The following SNAPC1 variants were observed in gnomAD, a reference collection of about 807,000 sequenced individuals.
The protein encoded by SNAPC1 is snRNA-activating protein complex subunit 1.
SNAPC1 carries 42 observed loss-of-function variants against 50.1 expected under a neutral mutation model. The observed-to-expected ratio is 0.84, with a 90% CI of 0.65 to 1.08. SNAPC1 has a LOEUF of 1.08. SNAPC1 is among the 50% of genes least tolerant of loss of function. The pLI is 0.00. For missense variants in SNAPC1, 477 were observed against 427.3 expected (o/e 1.12, Z -1.02); for synonymous variants, 164 against 144.2 (o/e 1.14, Z -0.98).
chr14:61,787,981 C>G (rs750197399), intron 8 of SNAPC1, among the ~76,000 whole-genome samples: 1 of 152,132 alleles, frequency 6.6e-6, no homozygotes, highest in Non-Finnish European at 1.5e-5. Context: ...AAAGGAGGAA[C>G]AAGAACAAAA....
At chr14:61,766,245 T>C (rs2044947940) in intron 1 of SNAPC1, among the ~76,000 whole-genome samples, 1 of 152,244 alleles carries the variant, frequency 6.6e-6, no homozygotes, top group African/African-American at 2.4e-5. Flanking sequence ...TCTTCTTCCT[T>C]ATTTAAAAGT....
At chr14:61,765,899 T>A (rs1434281305) in intron 1 of SNAPC1, among the ~76,000 whole-genome samples, 2 of 152,176 alleles carry the variant, frequency 1.3e-5, no homozygotes, top group African/African-American at 4.8e-5. Flanking sequence ...GGAGTGCGGG[T>A]TACTTTGTGC....
intron 8 of SNAPC1, among the ~76,000 whole-genome samples, chr14:61,789,120 A>G (rs2045134725): frequency 6.6e-6 from 1 of 151,948 alleles, no homozygotes. Context: ...AGTCCCAGCT[A>G]CTTGGGAGTC....
intron 9 of SNAPC1, 64 bp from the exon 10 acceptor site, chr14:61,794,885 G>GT (rs910465455): frequency 1.4e-4 from 162 of 1,131,796 alleles, no homozygotes; most frequent in South Asian, 3.5e-4. Context: ...AGTGTCAGTT[G>GT]TTTTTTTTGT....
intron 8 of SNAPC1, among the ~76,000 whole-genome samples, chr14:61,785,501 A>G (rs1019569324): frequency 6.6e-6 from 1 of 152,232 alleles, no homozygotes; most frequent in African/African-American, 2.4e-5. Flanking sequence ...TATCTGAGAC[A>G]GGTCTCAGTT....
chr14:61,776,533 T>C (rs1381760516), intron 5 of SNAPC1, among the ~76,000 whole-genome samples: 1 of 152,216 alleles, frequency 6.6e-6, no homozygotes, highest in African/African-American at 2.4e-5. Flanking sequence ...ATTTGGCATT[T>C]TTTAGGGGTT....
Position 61,793,999 on chromosome 14 carries a change from T to C in SNAPC1, c.1073-950T>C, listed in dbSNP as rs534884185. Among the ~76,000 whole-genome samples the C allele has an allele frequency of 3.3e-5, 5 of 152,284 alleles. No homozygotes were observed. In the East Asian group the frequency reaches 7.7e-4, roughly 23 times the overall value. The stretch of plus-strand genomic sequence containing the variant: ...ACATCTTTTGTAATTTTCATGTTTT[T>C]GTGTTTTCTATTACTTTCTTTGCTT... On this transcript the variant is annotated intron_variant, in intron 9 of 9. Coordinates refer to ENST00000216294, the MANE Select transcript of SNAPC1 (RefSeq NM_003082.4).
At chr14:61,785,362 A>G (rs966334346) in intron 8 of SNAPC1, among the ~76,000 whole-genome samples, 2 of 152,152 alleles carry the variant, frequency 1.3e-5, no homozygotes, top group African/African-American at 4.8e-5. Context: ...TCGCGCCAAG[A>G]TGGAGCCTTT....
chr14:61,781,281 C>G (rs1208708896), intron 7 of SNAPC1, among the ~76,000 whole-genome samples: 1 of 151,780 alleles, frequency 6.6e-6, no homozygotes, highest in East Asian at 1.9e-4. Flanking sequence ...AACGCTATCT[C>G]TACTAAAAAT....
intron 8 of SNAPC1, among the ~76,000 whole-genome samples, chr14:61,784,391 G>A (rs375948297): frequency 6.6e-6 from 1 of 152,080 alleles, no homozygotes; most frequent in Non-Finnish European, 1.5e-5. Context: ...ATAGGTTAAA[G>A]GGGAAAATGT....
At chr14:61,763,062 C>G (rs985746755) in intron 1 of SNAPC1, among the ~76,000 whole-genome samples, 1 of 128,264 alleles carries the variant, frequency 7.8e-6, no homozygotes, top group Non-Finnish European at 1.6e-5. Flanking sequence ...GCGTTCGCGG[C>G]TCAGTGCAAC....
intron 1 of SNAPC1, among the ~76,000 whole-genome samples, chr14:61,765,193 T>C (rs2044937974): frequency 6.6e-6 from 1 of 152,184 alleles, no homozygotes; most frequent in Admixed American, 6.5e-5. Context: ...AAGGCCTTGT[T>C]TTTTAAAATT....
chr14:61,777,997 A>G, intron 5 of SNAPC1, 75 bp from the exon 6 acceptor site: 1 of 670,034 alleles, frequency 1.5e-6, no homozygotes, highest in Non-Finnish European at 2.5e-6. Context: ...TCACCATTCT[A>G]AAATTGATTT....
At chr14:61,778,000 ATTGAT>A in intron 5 of SNAPC1, 67 bp from the exon 6 acceptor site, 1 of 682,912 alleles carries the variant, frequency 1.5e-6, no homozygotes, top group Non-Finnish European at 2.4e-6. Flanking sequence ...CCATTCTAAA[ATTGAT>A]TTGCAGTTAA....
chr14:61,772,109 ATT>A (rs1479289980), intron 4 of SNAPC1, among the ~76,000 whole-genome samples: 1 of 151,984 alleles, frequency 6.6e-6, no homozygotes, highest in South Asian at 2.1e-4. Context: ...TTTTTTTTTA[ATT>A]TTTGAGACAG....
chr14:61,762,747 C>T (rs1418147840), intron 1 of SNAPC1, among the ~76,000 whole-genome samples, 159 bp downstream of exon 1: 15 of 152,024 alleles, frequency 9.9e-5, no homozygotes, highest in Admixed American at 8.5e-4. Flanking sequence ...GCTCAGGCAA[C>T]GCGCTTTCCC....
chr14:61,767,423 A>C, intron 3 of SNAPC1, 71 bp downstream of exon 3: 1 of 982,330 alleles, frequency 1.0e-6, no homozygotes. Context: ...AAACCTCTCA[A>C]TCTCCAGAAA....
Position 61,774,648 on chromosome 14 carries a change from ATTTTTTTTTTTTTT to A in SNAPC1, c.535-1430_535-1417del, listed in dbSNP as rs35300490. Reference sequence around the variant, plus strand: ...ACTCACCACTATTGATCAGTTTCTCATTTTTTTTTTTTTTTTTTTTTTTTTTTTTTGAGAGGCAG... The same window carrying A: ...ACTCACCACTATTGATCAGTTTCTCATTTTTTTTTTTTTTTTGAGAGGCAG... On this transcript the variant is annotated intron_variant, in intron 4 of 9. Transcript: ENST00000216294. 4.0e-4 allele frequency among the ~76,000 whole-genome samples: 36 copies of A among 90,964 alleles called. 1 individual carries two copies. The highest frequency in any genetic ancestry group is 1.2e-3 in the African/African-American group (29 of 24,254). 59.7% of individuals were successfully genotyped at this position (90,964 alleles called of 152,430 possible). A position where few individuals can be genotyped will look rare whatever the true frequency, so the allele number is the denominator to read the frequency against.
At chr14:61,770,834 A>G (rs1414703062) in intron 4 of SNAPC1, among the ~76,000 whole-genome samples, 1 of 152,152 alleles carries the variant, frequency 6.6e-6, no homozygotes, top group East Asian at 1.9e-4. Flanking sequence ...CTCTGCCTCC[A>G]GGGCTCAAGT....
Sources: gnomAD v4.1 joint callset for allele counts (sites outside exome capture counted in the v4.1 genomes callset) on GRCh38, gnomAD v4.1.1 for gene constraint, MANE v1.5 for transcripts, NCBI Gene and HGNC (gene_info 2026-07-23, HGNC 2026-07-21) for gene names.